RELN: variants seen among roughly 807,000 people sequenced by gnomAD.
The protein encoded by RELN is reelin.
RELN carries 108 observed loss-of-function variants against 427.6 expected under a neutral mutation model. That is an observed-to-expected ratio of 0.25 (90% CI 0.22 to 0.30). The LOEUF is 0.30. RELN is among the 10% of genes least tolerant of loss of function. The pLI is 1.00. For synonymous variants in RELN, 1,524 were observed against 1,513.4 expected, an observed-to-expected ratio of 1.01 and a Z score of -0.16; for missense variants, 3,715 against 4,302.8, an observed-to-expected ratio of 0.86 and a Z score of 3.82.
chr7:103,836,265 C>T (rs1171712059), intron 2 of RELN, among the ~76,000 whole-genome samples: 1 of 152,128 alleles, frequency 6.6e-6, no homozygotes, highest in East Asian at 1.9e-4. Flanking sequence ...CGGCCTACCT[C>T]ATATTGTTTG....
chr7:103,912,097 G>C (rs1183158085), intron 2 of RELN, among the ~76,000 whole-genome samples: 1 of 151,990 alleles, frequency 6.6e-6, no homozygotes, highest in Admixed American at 6.6e-5. Context: ...AATATGACAT[G>C]AATAGCTGAA....
intron 50 of RELN, among the ~76,000 whole-genome samples, chr7:103,514,690 C>T (rs563975733): frequency 6.6e-6 from 1 of 152,220 alleles, no homozygotes; most frequent in African/African-American, 2.4e-5. Context: ...GAGGTCCTTC[C>T]TGCTTCACCA....
intron 10 of RELN, among the ~76,000 whole-genome samples, chr7:103,694,823 C>T (rs986467031): frequency 4.8e-5 from 5 of 103,498 alleles, no homozygotes; most frequent in African/African-American, 1.4e-4. Context: ...CCATGCCTGG[C>T]TAGTTTTTTT....
intron 3 of RELN, among the ~76,000 whole-genome samples, chr7:103,823,168 T>C (rs1039250898): frequency 2.0e-5 from 3 of 152,074 alleles, no homozygotes; most frequent in Non-Finnish European, 4.4e-5. Context: ...TTACCTTTGG[T>C]TAGCACTTGC....
intron 2 of RELN, among the ~76,000 whole-genome samples, chr7:103,891,287 A>G (rs1486776081): frequency 1.3e-5 from 2 of 152,184 alleles, no homozygotes; most frequent in Non-Finnish European, 2.9e-5. Context: ...GCTTATATTA[A>G]TTGGGATTAT....
At chr7:103,841,536 T>G (rs1793551882) in intron 2 of RELN, among the ~76,000 whole-genome samples, 1 of 152,166 alleles carries the variant, frequency 6.6e-6, no homozygotes, top group Admixed American at 6.5e-5. Context: ...GTGACATACA[T>G]TTCTGTTCCT....
At chr7:103,504,704 G>A (rs749492500) in intron 51 of RELN, among the ~76,000 whole-genome samples, 3 of 152,198 alleles carry the variant, frequency 2.0e-5, no homozygotes, top group African/African-American at 7.2e-5. Flanking sequence ...GAGGAACAGT[G>A]CAATCTGGCC....
At chr7:103,582,872 C>G (rs1831185910) in intron 28 of RELN, among the ~76,000 whole-genome samples, 1 of 152,124 alleles carries the variant, frequency 6.6e-6, no homozygotes, top group African/African-American at 2.4e-5. Context: ...TATGGTTTAA[C>G]CTAGAAAAAG....
intron 6 of RELN, among the ~76,000 whole-genome samples, chr7:103,731,273 A>T (rs1036036494): frequency 6.6e-6 from 1 of 152,098 alleles, no homozygotes; most frequent in African/African-American, 2.4e-5. Flanking sequence ...GTGATAGGGC[A>T]CATACAATGC....
intron 3 of RELN, among the ~76,000 whole-genome samples, chr7:103,827,214 G>A (rs1793164728): frequency 6.6e-6 from 1 of 151,856 alleles, no homozygotes. Context: ...TGTTAGTAAA[G>A]CAGTTCCACT....
At chr7:103,773,110 TTC>T (rs1354764634) in intron 4 of RELN, among the ~76,000 whole-genome samples, 2 of 52,708 alleles carry the variant, frequency 3.8e-5, no homozygotes, top group African/African-American at 1.2e-4. Context: ...TTTTCTTTCT[TTC>T]TTTCTTTCTT....
At chr7:103,922,213 C>CA (rs1795630526) in intron 1 of RELN, among the ~76,000 whole-genome samples, 1 of 151,308 alleles carries the variant, frequency 6.6e-6, no homozygotes, top group Non-Finnish European at 1.5e-5. Context: ...GAAAAGTAAA[C>CA]AAAAAAATAA....
Position 103,490,766 on chromosome 7 carries a change from G to A in RELN, c.9507C>T (p.Cys3169=). 3 of 1,614,162 alleles carry A rather than the reference G, an allele frequency of 1.9e-6. No homozygotes were observed. Among genetic ancestry groups the A allele is most frequent in the Middle Eastern group, 1.6e-4 (1 of 6,062 alleles). The change falls in exon 59 of 65, where the codon TGC becomes TGT. Residue 3169 remains cysteine (C), a synonymous_variant. Coordinates refer to ENST00000428762, the MANE Select transcript of RELN (RefSeq NM_005045.4). ...TGGCTTCATGGAACTGGAAAGGGGA[G>A]CAGCCAATGCTGTTAGAAGAGGAAG... ...CLPSSSNSIG[C]SPFQFHEATI... is the part of the protein sequence containing the mutation.
intron 1 of RELN, among the ~76,000 whole-genome samples, chr7:103,932,931 G>A (rs1048377573): frequency 1.9e-4 from 29 of 152,282 alleles, no homozygotes; most frequent in African/African-American, 6.0e-4. Flanking sequence ...AGACAGACAC[G>A]TGCTAGAGCT....
intron 4 of RELN, among the ~76,000 whole-genome samples, chr7:103,765,194 G>A (rs534731828): frequency 1.3e-5 from 2 of 152,352 alleles, no homozygotes; most frequent in South Asian, 4.1e-4. Flanking sequence ...AGAGGAGGAG[G>A]TGGCCACTGA....
intron 8 of RELN, among the ~76,000 whole-genome samples, chr7:103,718,030 C>T (rs1336947711): frequency 2.6e-5 from 4 of 152,130 alleles, no homozygotes; most frequent in Non-Finnish European, 5.9e-5. Flanking sequence ...TTACAAGTGA[C>T]ATTTTATCCT....
chr7:103,718,246 C>T (rs1789988933), intron 8 of RELN, among the ~76,000 whole-genome samples: 5 of 150,668 alleles, frequency 3.3e-5, no homozygotes. Context: ...CTAAGAACAT[C>T]TGTGTATCTT....
At chr7:103,910,479 C>A (rs1002393049) in intron 2 of RELN, among the ~76,000 whole-genome samples, 2 of 151,948 alleles carry the variant, frequency 1.3e-5, no homozygotes, top group Non-Finnish European at 2.9e-5. Context: ...TCATGACTTT[C>A]TTCACAGAAT....
chr7:103,565,577 A>G, intron 33 of RELN, 26 bp from the exon 34 acceptor site: 1 of 1,607,004 alleles, frequency 6.2e-7, no homozygotes, highest in Non-Finnish European at 8.5e-7. Context: ...GTGTAATGGT[A>G]GCATATATGT....
Sources: gnomAD v4.1 joint callset for allele counts (sites outside exome capture counted in the v4.1 genomes callset) on GRCh38, gnomAD v4.1.1 for gene constraint, MANE v1.5 for transcripts, NCBI Gene and HGNC (gene_info 2026-07-23, HGNC 2026-07-21) for gene names.